Variants in HOPX observed in about 807,000 individuals in gnomAD.
HOPX encodes the protein homeodomain-only protein.
A neutral mutation model predicts 11.8 loss-of-function variants in HOPX; 5 were observed. The observed-to-expected ratio is 0.43, with a 90% confidence interval of 0.22 to 0.89. HOPX has a LOEUF of 0.89. HOPX is among the 40% of genes least tolerant of loss of function. HOPX has a pLI of 0.28. For missense variants in HOPX, 119 were observed against 120.0 expected (o/e 0.99, Z 0.04); for synonymous variants, 49 against 49.7 (o/e 0.99, Z 0.06).
At chr4:56,655,764 C>G (rs1717632068) in intron 3 of HOPX, 93 bp downstream of exon 3, 1 of 1,417,210 alleles carries the variant, frequency 7.1e-7, no homozygotes, top group African/African-American at 1.5e-5. Flanking sequence ...GAGGGCAGCC[C>G]GGCGGGAGGC....
chr4:56,675,000 C>A (rs1036715686), intron 1 of HOPX, among the ~76,000 whole-genome samples: 1 of 150,692 alleles, frequency 6.6e-6, no homozygotes, highest in Non-Finnish European at 1.5e-5. Flanking sequence ...ATTATAGGCA[C>A]AAACCACCAT....
At chr4:56,671,654 GA>G (rs983505476) in intron 1 of HOPX, among the ~76,000 whole-genome samples, 4 of 152,050 alleles carry the variant, frequency 2.6e-5, no homozygotes, top group African/African-American at 9.7e-5. Flanking sequence ...AGGACAAACA[GA>G]GGGTGTGCAG....
At position 56,657,869 on chromosome 4, in the gene HOPX, A is replaced by G; in HGVS notation, c.-53T>C. On this transcript the variant is annotated 5_prime_UTR_variant, in exon 2 of 4. Transcript: ENST00000420433. Reference sequence around the variant, plus strand: ...CAGCTGGTGACCTGTGCTCCGCTAGACCCTTCTCAGTGGGGCAGTCTGTCA... The same window carrying G: ...CAGCTGGTGACCTGTGCTCCGCTAGGCCCTTCTCAGTGGGGCAGTCTGTCA... The G allele has an allele frequency of 6.4e-7, 1 of 1,551,174 alleles. No homozygotes were observed. Among genetic ancestry groups the G allele is most frequent in the East Asian group, 2.4e-5 (1 of 40,914 alleles).
chr4:56,668,588 C>T (rs1014678825), intron 1 of HOPX, among the ~76,000 whole-genome samples: 4 of 152,094 alleles, frequency 2.6e-5, no homozygotes, highest in African/African-American at 9.7e-5. Flanking sequence ...TGCCGTGTTG[C>T]CCAGGCTGGT....
intron 1 of HOPX, chr4:56,662,848 A>G (rs4864594): frequency 6.6e-6 from 1 of 151,962 alleles, no homozygotes; most frequent in African/African-American, 2.4e-5. Flanking sequence ...CTATTTGAAT[A>G]TTTAAGCTCT....
chr4:56,650,492 G>C (rs1464020566), intron 3 of HOPX: 3 of 567,574 alleles, frequency 5.3e-6, no homozygotes, highest in African/African-American at 1.9e-5. Context: ...AGAATCACAG[G>C]GGGAGAAGGA....
intron 1 of HOPX, among the ~76,000 whole-genome samples, 160 bp from the exon 2 acceptor site, chr4:56,658,059 TG>T (rs2109492340): frequency 6.6e-6 from 1 of 152,292 alleles, no homozygotes; most frequent in Admixed American, 6.5e-5. Context: ...AAACAAGGGC[TG>T]GGAGACAGCT....
intron 1 of HOPX, among the ~76,000 whole-genome samples, chr4:56,668,144 C>G (rs1012407518): frequency 3.3e-5 from 5 of 152,042 alleles, no homozygotes; most frequent in African/African-American, 1.2e-4. Context: ...AGACTGGTCT[C>G]GAACTCCTGA....
chr4:56,674,215 T>G (rs533261903), intron 1 of HOPX, among the ~76,000 whole-genome samples: 5 of 151,824 alleles, frequency 3.3e-5, no homozygotes, highest in African/African-American at 4.9e-5. Flanking sequence ...GGGTAAGGCA[T>G]ATACAATAAA....
intron 1 of HOPX, among the ~76,000 whole-genome samples, chr4:56,669,010 T>C (rs1718587094): frequency 6.6e-6 from 1 of 152,222 alleles, no homozygotes; most frequent in Non-Finnish European, 1.5e-5. Flanking sequence ...CTTGCACTTT[T>C]CTAGTGTAAA....
At chr4:56,681,463 G>C (rs1719322274), upstream of HOPX, 19 of 992,008 alleles carry the variant, frequency 1.9e-5, no homozygotes, top group Non-Finnish European at 2.2e-5. Context: ...CGTCTCTCCT[G>C]GTTATTCAGG....
chr4:56,678,413 G>C (rs535562647), intron 1 of HOPX, among the ~76,000 whole-genome samples: 238 of 148,240 alleles, frequency 1.6e-3, no homozygotes, highest in Non-Finnish European at 2.7e-3. Context: ...TGATTTAATT[G>C]GTCCAGGGTG....
chr4:56,666,110 C>G (rs1718425162), intron 1 of HOPX, among the ~76,000 whole-genome samples: 1 of 152,178 alleles, frequency 6.6e-6, no homozygotes, highest in Non-Finnish European at 1.5e-5. Flanking sequence ...TGGCTCTGCC[C>G]TAGCTCAATG....
chr4:56,656,480 A>G (rs4429779), intron 2 of HOPX: 447,882 of 982,100 alleles, frequency 0.46, 104,428 homozygotes, highest in African/African-American at 0.64. Context: ...CGAGTCCGCG[A>G]CTAGCCGGCC....
At position 56,675,872 on chromosome 4, in the gene HOPX, C is replaced by T. The variant is rs553871399; in HGVS notation, c.-84+5383G>A. 1.0e-3 allele frequency among the ~76,000 whole-genome samples: 155 copies of T among 151,826 alleles called. 1 individual carries two copies. Among genetic ancestry groups the T allele is most frequent in the Non-Finnish European group, 1.7e-3 (115 of 68,020 alleles). On this transcript the variant is annotated intron_variant, in intron 1 of 3. Transcript: ENST00000420433. ...CAGAGCAGGGGCTGCTTCAGGATCC[C>T]CAGGTGATGGTTTTTAAAAGGGCAG...
chr4:56,677,858 T>C (rs1719095983), intron 1 of HOPX, among the ~76,000 whole-genome samples: 1 of 151,732 alleles, frequency 6.6e-6, no homozygotes, highest in African/African-American at 2.4e-5. Context: ...GTGCTGGGAA[T>C]GCACACATGC....
chr4:56,653,660 G>C (rs1717414899), intron 3 of HOPX, among the ~76,000 whole-genome samples: 1 of 152,194 alleles, frequency 6.6e-6, no homozygotes, highest in South Asian at 2.1e-4. Flanking sequence ...TAGCCATAGG[G>C]AGGAAGAAGG....
chr4:56,657,008 G>T (rs796306799), intron 2 of HOPX, among the ~76,000 whole-genome samples: 2 of 152,222 alleles, frequency 1.3e-5, no homozygotes, highest in African/African-American at 4.8e-5. Context: ...TCAGGAAAAT[G>T]GGCCCATCAC....
intron 1 of HOPX, chr4:56,680,674 A>C (rs1435582819): frequency 6.6e-6 from 1 of 150,470 alleles, no homozygotes; most frequent in Non-Finnish European, 1.5e-5. Flanking sequence ...TCTAAACCCC[A>C]GAGCCTGGGA....
Sources: allele counts gnomAD v4.1 joint callset (sites outside exome capture counted in the v4.1 genomes callset), GRCh38; gene constraint gnomAD v4.1.1; transcripts MANE v1.5; gene names NCBI Gene and HGNC (gene_info 2026-07-23, HGNC 2026-07-21).